DNAH14: variants seen among roughly 807,000 people sequenced by gnomAD.
DNAH14 encodes the protein dynein axonemal heavy chain 14, also known as axonemal beta dynein heavy chain 14.
DNAH14 carries 478 observed loss-of-function variants against 520.9 expected under a neutral mutation model. That is an observed-to-expected ratio of 0.92 (90% CI 0.85 to 0.99). DNAH14 has a LOEUF of 0.99. DNAH14 is among the 50% of genes least tolerant of loss of function. DNAH14 has a pLI of 0.00. For synonymous variants in DNAH14, 1,581 were observed against 1,757.2 expected (o/e 0.90, Z 2.51); for missense variants, 4,831 against 5,234.5 (o/e 0.92, Z 2.38).
chr1:225,095,774 T>A (rs1558940678), intron 21 of DNAH14, among the ~76,000 whole-genome samples: 1 of 152,122 alleles, frequency 6.6e-6, no homozygotes, highest in Non-Finnish European at 1.5e-5. Flanking sequence ...TATATAAAAT[T>A]CTGGAAAATA....
chr1:224,949,975 T>C (rs1231376885), intron 1 of DNAH14, among the ~76,000 whole-genome samples: 1 of 152,144 alleles, frequency 6.6e-6, no homozygotes, highest in Non-Finnish European at 1.5e-5. Flanking sequence ...TTTACGCTTC[T>C]GTTATTTTAT....
At chr1:225,330,511 G>A (rs145591517) in intron 64 of DNAH14, among the ~76,000 whole-genome samples, 26 of 152,278 alleles carry the variant, frequency 1.7e-4, no homozygotes, top group Non-Finnish European at 3.2e-4. Context: ...CAACAACACT[G>A]ATGGAAGTGG....
Position 225,318,483 on chromosome 1 carries a change from A to C in DNAH14, c.9241-100A>C, listed in dbSNP as rs750435879. ...AAGATGCATAACTTATGGGCATTGT[A>C]AAAATATCAAATTATATTTTCCAAG... On this transcript the variant is annotated intron_variant, in intron 60 of 85. Transcript: ENST00000682510. 1.1e-4 allele frequency: 116 copies of C among 1,080,662 alleles called. 1 individual carries two copies. The highest frequency in any genetic ancestry group is 1.3e-4 in the Non-Finnish European group (96 of 764,986). The allele number at this position is 1,080,662 out of a possible 1,614,324, so 66.9% of individuals were successfully genotyped here.
chr1:225,038,816 T>C lies in DNAH14; in HGVS notation c.1481T>C (p.Ile494Thr). 6.7e-7 allele frequency: 1 copy of C among 1,494,160 alleles called. No individual in the cohort carries two copies. Among genetic ancestry groups the C allele is most frequent in the East Asian group, 2.6e-5 (1 of 38,738 alleles). The allele number at this position is 1,494,160 out of a possible 1,614,324, so 92.6% of individuals were successfully genotyped here. A position where few individuals can be genotyped will look rare whatever the true frequency, so the allele number is the denominator to read the frequency against. The change falls in exon 12 of 86, where the codon ATT becomes ACT. Residue 494 changes from isoleucine (I) to threonine (T), a missense_variant. By Grantham distance (89) the Ile-to-Thr change is moderately conservative. Coordinates refer to ENST00000682510, the MANE Select transcript of DNAH14 (RefSeq NM_001367479.1). ...QKSEVKTDTD[I>T]NEILNSVEVG... ...TCAGAAGTAAAAACAGACACTGATA[T>C]TAATGAGGTAAAATGATCTTTGAAA...
At chr1:225,365,494 G>C (rs2095541689) in intron 76 of DNAH14, among the ~76,000 whole-genome samples, 2 of 152,160 alleles carry the variant, frequency 1.3e-5, no homozygotes, top group Admixed American at 6.5e-5. Flanking sequence ...GGTGGGCATG[G>C]AGAAAATCAG....
At chr1:225,268,687 GACAA>G (rs1168812102) in intron 49 of DNAH14, among the ~76,000 whole-genome samples, 2 of 152,026 alleles carry the variant, frequency 1.3e-5, no homozygotes, top group Non-Finnish European at 2.9e-5. Context: ...ACCAATAACA[GACAA>G]ACAGAGAGCC....
At chr1:224,973,264 T>G (rs1201567459) in intron 7 of DNAH14, among the ~76,000 whole-genome samples, 4 of 152,172 alleles carry the variant, frequency 2.6e-5, no homozygotes, top group African/African-American at 9.7e-5. Context: ...ACGTCATCAC[T>G]AGGATTGGCT....
chr1:225,274,383 T>C (rs2093411126), intron 52 of DNAH14, among the ~76,000 whole-genome samples: 1 of 151,814 alleles, frequency 6.6e-6, no homozygotes, highest in Non-Finnish European at 1.5e-5. Flanking sequence ...TTTTTTTGTA[T>C]TTTTAGTAGA....
At chr1:225,063,925 G>GAA (rs908315330) in intron 17 of DNAH14, among the ~76,000 whole-genome samples, 4 of 145,246 alleles carry the variant, frequency 2.8e-5, no homozygotes, top group African/African-American at 1.0e-4. Context: ...GAATAAAAAA[G>GAA]AAAAAAAAAA....
At chr1:225,012,186 A>G (rs2064831241) in intron 10 of DNAH14, among the ~76,000 whole-genome samples, 1 of 152,038 alleles carries the variant, frequency 6.6e-6, no homozygotes, top group Non-Finnish European at 1.5e-5. Context: ...TCTTTAAAGG[A>G]TATTATTTCT....
intron 59 of DNAH14, 88 bp from the exon 60 acceptor site, chr1:225,308,197 T>C (rs2094288488): frequency 3.0e-6 from 4 of 1,330,566 alleles, no homozygotes; most frequent in African/African-American, 1.5e-5. Flanking sequence ...AACTTTACCA[T>C]AGTGAAATGA....
chr1:225,364,821 C>G lies in DNAH14; in HGVS notation c.12017C>G (p.Pro4006Arg), dbSNP rs577228672. The change falls in exon 76 of 86, where the codon CCT becomes CGT. Residue 4006 changes from proline to arginine, a missense_variant. Coordinates refer to ENST00000682510, the MANE Select transcript of DNAH14 (RefSeq NM_001367479.1). Reference protein sequence around the residue: ...SFNSPNVTIDPEFRLWLSSKS... With the variant: ...SFNSPNVTIDREFRLWLSSKS... ...AATAGTCCAAACGTGACAATAGACC[C>G]TGAGTTTCGGCTATGGTTAAGCTCA... 3.9e-5 allele frequency: 60 copies of G among 1,548,400 alleles called. No homozygotes were observed. Among genetic ancestry groups the G allele is most frequent in the African/African-American group, 3.3e-4 (24 of 73,012 alleles).
At chr1:225,014,808 T>C (rs895736723) in intron 10 of DNAH14, among the ~76,000 whole-genome samples, 7 of 152,202 alleles carry the variant, frequency 4.6e-5, no homozygotes, top group Admixed American at 2.0e-4. Context: ...GTTTATGAGG[T>C]CCATTTAGTT....
At chr1:225,073,520 C>T (rs2071808685) in intron 17 of DNAH14, among the ~76,000 whole-genome samples, 1 of 152,130 alleles carries the variant, frequency 6.6e-6, no homozygotes, top group Admixed American at 6.5e-5. Context: ...GGGGTGCCAC[C>T]TCTGCCCCTG....
At chr1:225,276,186 G>GGT (rs1461517600) in intron 53 of DNAH14, 105 bp downstream of exon 53, 1 of 171,866 alleles carries the variant, frequency 5.8e-6, no homozygotes, top group East Asian at 1.8e-4. Flanking sequence ...ATTTTTAAGG[G>GGT]GTGTGTGTGT....
intron 84 of DNAH14, among the ~76,000 whole-genome samples, chr1:225,394,124 G>A (rs186427528): frequency 1.1e-4 from 16 of 152,096 alleles, no homozygotes; most frequent in African/African-American, 2.4e-5. Flanking sequence ...CGGCCACAGC[G>A]ATGTTATCTT....
intron 22 of DNAH14, among the ~76,000 whole-genome samples, chr1:225,098,257 G>T (rs888428700): frequency 8.9e-6 from 1 of 112,562 alleles, no homozygotes; most frequent in Non-Finnish European, 1.8e-5. Flanking sequence ...AAGAATAGAG[G>T]GCCTGGGCAG....
At chr1:225,159,541 G>C (rs1222512826) in intron 35 of DNAH14, 56 bp downstream of exon 35, 1 of 1,385,408 alleles carries the variant, frequency 7.2e-7, no homozygotes, top group African/African-American at 1.5e-5. Flanking sequence ...TATCAATTAA[G>C]AAACTAGATG....
intron 61 of DNAH14, among the ~76,000 whole-genome samples, 190 bp from the exon 62 acceptor site, chr1:225,322,474 A>G (rs1038779655): frequency 4.6e-5 from 7 of 152,190 alleles, no homozygotes; most frequent in African/African-American, 1.7e-4. Flanking sequence ...TCCTAAAACT[A>G]TAATATCCTT....
Sources: gnomAD v4.1 joint callset for allele counts (sites outside exome capture counted in the v4.1 genomes callset) on GRCh38, gnomAD v4.1.1 for gene constraint, MANE v1.5 for transcripts, NCBI Gene and HGNC (gene_info 2026-07-23, HGNC 2026-07-21) for gene names.